Variants in LIN9 observed in about 807,000 individuals in gnomAD.
LIN9 encodes the protein lin-9 DREAM MuvB core complex component, also known as protein lin-9 homolog.
Under a neutral mutation model 78.0 loss-of-function variants are expected in LIN9, and 18 were observed. The ratio of observed to expected loss-of-function variants is 0.23; its 90% CI spans 0.16 to 0.34. The LOEUF (loss-of-function observed/expected upper bound fraction) is 0.34. Ranked by LOEUF, LIN9 falls within the 10% of genes least tolerant of loss-of-function variation. The pLI, the probability that LIN9 is intolerant of heterozygous loss-of-function variation, is 1.00. For missense variants in LIN9, 451 were observed against 644.1 expected, an observed-to-expected ratio of 0.70 and a Z score of 3.25; for synonymous variants, 192 against 215.2, an observed-to-expected ratio of 0.89 and a Z score of 0.94.
intron 1 of LIN9, among the ~76,000 whole-genome samples, chr1:226,305,669 G>C (rs528645082): frequency 2.6e-5 from 4 of 152,208 alleles, no homozygotes; most frequent in African/African-American, 9.6e-5. Context: ...AAAGACCCTG[G>C]AGAAAAGGGG....
At chr1:226,239,646 T>C (rs983533665) in intron 11 of LIN9, among the ~76,000 whole-genome samples, 11 of 152,238 alleles carry the variant, frequency 7.2e-5, no homozygotes, top group African/African-American at 1.9e-4. Context: ...ATGGGGATTA[T>C]AAGAATATCT....
At chr1:226,249,634 C>A (rs1421578928) in intron 11 of LIN9, among the ~76,000 whole-genome samples, 1 of 152,136 alleles carries the variant, frequency 6.6e-6, no homozygotes, top group South Asian at 2.1e-4. Flanking sequence ...TCCAGAGATT[C>A]CCAGTGCCAC....
intron 10 of LIN9, among the ~76,000 whole-genome samples, chr1:226,258,013 T>C (rs918849052): frequency 1.3e-5 from 2 of 151,860 alleles, no homozygotes; most frequent in African/African-American, 4.8e-5. Context: ...TGACACCCCA[T>C]GTCTATACAA....
intron 6 of LIN9, among the ~76,000 whole-genome samples, 189 bp downstream of exon 6, chr1:226,286,144 G>A (rs1473744406): frequency 6.6e-6 from 1 of 151,920 alleles, no homozygotes; most frequent in African/African-American, 2.4e-5. Context: ...TTAGAGGAAT[G>A]GTCTCACTGT....
At chr1:226,293,731 T>C (rs1239291054) in intron 4 of LIN9, among the ~76,000 whole-genome samples, 1 of 152,204 alleles carries the variant, frequency 6.6e-6, no homozygotes, top group African/African-American at 2.4e-5. Context: ...CTAATTTTTG[T>C]ATTTACTGTA....
intron 7 of LIN9, among the ~76,000 whole-genome samples, chr1:226,275,805 G>A (rs1660621010): frequency 6.6e-6 from 1 of 152,062 alleles, no homozygotes; most frequent in Non-Finnish European, 1.5e-5. Flanking sequence ...AAGATCACTT[G>A]AGGTTGGGAG....
At chr1:226,309,655 C>T (rs999640788), upstream of LIN9, 1 of 1,280,294 alleles carries the variant, frequency 7.8e-7, no homozygotes, top group Non-Finnish European at 1.0e-6. Context: ...GCTTGGGCGC[C>T]TCCGTCCCCT....
intron 4 of LIN9, among the ~76,000 whole-genome samples, chr1:226,289,556 T>A (rs1661592014): frequency 6.6e-6 from 1 of 151,916 alleles, no homozygotes; most frequent in Admixed American, 6.6e-5. Context: ...GGAGACGGGC[T>A]CTCGCTATGT....
At position 226,233,324 on chromosome 1, in the gene LIN9, A is replaced by G; in HGVS notation, c.1425+20T>C. 1 of 1,589,280 alleles carries G rather than the reference A, an allele frequency of 6.3e-7. No individual in the cohort carries two copies. The highest frequency in any genetic ancestry group is 8.6e-7 in the Non-Finnish European group (1 of 1,166,218). ...GGTTGCTTTGTGTCAAATTAAGAAA[A>G]TATTTTCTCTAAGATTTACCTTAAT... On this transcript the variant is annotated intron_variant, in intron 13 of 14. Transcript: ENST00000681046.
intron 12 of LIN9, among the ~76,000 whole-genome samples, chr1:226,235,543 G>A (rs781567023): frequency 5.9e-5 from 9 of 151,946 alleles, no homozygotes; most frequent in Non-Finnish European, 1.0e-4. Context: ...TATACTTACC[G>A]GTTGAGAATC....
At chr1:226,278,035 C>T in intron 6 of LIN9, 103 bp from the exon 7 acceptor site, 1 of 928,098 alleles carries the variant, frequency 1.1e-6, no homozygotes, top group Non-Finnish European at 1.6e-6. Context: ...CTCTGTCATC[C>T]AGGCTGGAGT....
intron 6 of LIN9, among the ~76,000 whole-genome samples, chr1:226,283,723 G>A (rs146042207): frequency 2.6e-5 from 4 of 152,158 alleles, no homozygotes; most frequent in East Asian, 1.9e-4. Context: ...CGGGGCAGGC[G>A]GATTGCCTGA....
chr1:226,259,913 C>A, intron 10 of LIN9, among the ~76,000 whole-genome samples: 1 of 147,160 alleles, frequency 6.8e-6, no homozygotes. Context: ...ATAATATAAA[C>A]TAGAGCAGAA....
intron 6 of LIN9, among the ~76,000 whole-genome samples, chr1:226,283,377 G>A (rs1481239117): frequency 1.4e-5 from 2 of 137,998 alleles, no homozygotes; most frequent in East Asian, 2.2e-4. Context: ...CTTCCTGCCT[G>A]AGCCTCCCAA....
At position 226,272,760 on chromosome 1, in the gene LIN9, C is replaced by A. The variant is rs114095950; in HGVS notation, c.683-4670G>T. On this transcript the variant is annotated intron_variant, in intron 7 of 14. Coordinates refer to ENST00000681046, the MANE Select transcript of LIN9 (RefSeq NM_001366245.2). ...TAGCAGAACATGTTCTATATAAAGG[C>A]TAAGCCGTCACAGCTGTAGATCATG... Among the ~76,000 whole-genome samples, 1,421 of 152,074 alleles carry A rather than the reference C, an allele frequency of 9.3e-3. 19 individuals carry two copies. Among genetic ancestry groups the A allele is most frequent in the African/African-American group, 0.033 (1,359 of 41,476 alleles).
chr1:226,309,404 C>G, upstream of LIN9: 1 of 992,696 alleles, frequency 1.0e-6, no homozygotes, highest in Non-Finnish European at 1.2e-6. Context: ...GGAGGCCGCA[C>G]GGCGAGGCCC....
intron 1 of LIN9, among the ~76,000 whole-genome samples, chr1:226,306,867 ATTAT>A (rs1233507496): frequency 6.6e-6 from 1 of 152,182 alleles, no homozygotes; most frequent in Non-Finnish European, 1.5e-5. Flanking sequence ...TTCCATAAAA[ATTAT>A]TTATGTATAC....
chr1:226,282,509 T>C (rs1661129557), intron 6 of LIN9, among the ~76,000 whole-genome samples: 2 of 152,216 alleles, frequency 1.3e-5, no homozygotes, highest in South Asian at 4.1e-4. Flanking sequence ...TTATGAACTC[T>C]GCCCATCTGA....
rs547084512 is a variant in LIN9, at chr1:226,267,554, C to G, written c.816+403G>C. 5.3e-5 allele frequency among the ~76,000 whole-genome samples: 8 copies of G among 151,926 alleles called. No individual in the cohort carries two copies. In the South Asian group the frequency reaches 1.7e-3, roughly 32 times the overall value. On this transcript the variant is annotated intron_variant, in intron 8 of 14. Coordinates refer to ENST00000681046, the MANE Select transcript of LIN9 (RefSeq NM_001366245.2). The stretch of plus-strand genomic sequence containing the variant: ...ATGCAAAAGTGAAGGTAATTAACAC[C>G]CACCTTGCATGCCTCTGAAGATAAA...
Sources: allele counts gnomAD v4.1 joint callset (sites outside exome capture counted in the v4.1 genomes callset), GRCh38; gene constraint gnomAD v4.1.1; transcripts MANE v1.5; gene names NCBI Gene and HGNC (gene_info 2026-07-23, HGNC 2026-07-21).